Variants in WWOX observed in about 807,000 individuals in gnomAD.
WWOX encodes the protein WW domain-containing oxidoreductase.
Under a neutral mutation model 46.2 loss-of-function variants are expected in WWOX, and 69 were observed. The ratio of observed to expected loss-of-function variants is 1.49; its 90% CI spans 1.23 to 1.82. The LOEUF (loss-of-function observed/expected upper bound fraction) is 1.82, where lower values mean the gene tolerates loss of function less well. WWOX is among the 40% of genes most tolerant of loss of function. The pLI is 0.00. For missense variants in WWOX, 919 were observed against 542.6 expected (o/e 1.69, Z -6.89); for synonymous variants, 359 against 202.6 (o/e 1.77, Z -6.56).
At chr16:78,539,408 G>A (rs1331963590) in intron 8 of WWOX, among the ~76,000 whole-genome samples, 2 of 152,166 alleles carry the variant, frequency 1.3e-5, no homozygotes, top group Non-Finnish European at 2.9e-5. Context: ...AAAACATACA[G>A]CATTATTTTA....
In WWOX at chr16:79,061,091, G is replaced by A. The variant is rs371787764; in HGVS notation, c.1057-150517G>A. Reference sequence around the variant, plus strand: ...TCTCGAAGGGACGTGCCCCTTGAACGCAAGAGAGGTACATTGGGTGGCCAT... The same window carrying A: ...TCTCGAAGGGACGTGCCCCTTGAACACAAGAGAGGTACATTGGGTGGCCAT... On this transcript the variant is annotated intron_variant, in intron 8 of 8. Transcript: ENST00000566780. 1.4e-4 allele frequency among the ~76,000 whole-genome samples: 21 copies of A among 152,290 alleles called. No individual in the cohort carries two copies. The South Asian group carries it at 3.7e-3, about 27-fold the overall frequency.
At chr16:78,315,897 C>T (rs1452876512) in intron 5 of WWOX, among the ~76,000 whole-genome samples, 1 of 152,132 alleles carries the variant, frequency 6.6e-6, no homozygotes, top group Non-Finnish European at 1.5e-5. Context: ...TATTTAACTA[C>T]TCTCCTCGTG....
chr16:78,688,549 G>C (rs1289141782), intron 8 of WWOX, among the ~76,000 whole-genome samples: 1 of 152,038 alleles, frequency 6.6e-6, no homozygotes, highest in African/African-American at 2.4e-5. Context: ...CCTCCTCAGC[G>C]GAGACAACTG....
intron 5 of WWOX, among the ~76,000 whole-genome samples, chr16:78,370,976 A>ATGTCTTTTTTTTTTTTTTT (rs776317489): frequency 7.8e-6 from 1 of 128,588 alleles, no homozygotes. Context: ...CTGTGTTGTG[A>ATGTCTTTTTTTTTTTTTTT]TTTCTTTTTT....
At chr16:78,243,052 C>G (rs891737240) in intron 5 of WWOX, among the ~76,000 whole-genome samples, 1 of 151,872 alleles carries the variant, frequency 6.6e-6, no homozygotes, top group Non-Finnish European at 1.5e-5. Context: ...CTTCCCTTCC[C>G]TCTCCCCATC....
At chr16:78,162,990 C>T (rs1309662258) in intron 4 of WWOX, among the ~76,000 whole-genome samples, 4 of 152,116 alleles carry the variant, frequency 2.6e-5, no homozygotes, top group African/African-American at 4.8e-5. Flanking sequence ...TGGCAAAATT[C>T]TCCATCTTGC....
intron 8 of WWOX, among the ~76,000 whole-genome samples, chr16:79,187,167 A>G (rs1355274553): frequency 6.6e-6 from 1 of 152,162 alleles, no homozygotes; most frequent in Admixed American, 6.5e-5. Flanking sequence ...GAATTGAATG[A>G]CTTTGAGAAA....
At chr16:78,579,996 C>T (rs943609495) in intron 8 of WWOX, among the ~76,000 whole-genome samples, 2 of 152,032 alleles carry the variant, frequency 1.3e-5, no homozygotes, top group African/African-American at 4.8e-5. Context: ...GGCGCTTGCT[C>T]TTCTTTGTGC....
At chr16:78,678,640 A>T (rs1343886931) in intron 8 of WWOX, among the ~76,000 whole-genome samples, 3 of 152,150 alleles carry the variant, frequency 2.0e-5, no homozygotes, top group Non-Finnish European at 4.4e-5. Context: ...AGGAAAACAC[A>T]TGGAGTCTTG....
At chr16:78,956,601 ATCATATCATATCATG>A (rs1275835859) in intron 8 of WWOX, among the ~76,000 whole-genome samples, 1 of 148,378 alleles carries the variant, frequency 6.7e-6, no homozygotes, top group African/African-American at 2.5e-5. Flanking sequence ...CATATATTGT[ATCATATCATATCATG>A]TCATATCATA....
At chr16:78,877,284 C>G (rs187454717) in intron 8 of WWOX, among the ~76,000 whole-genome samples, 98 of 151,080 alleles carry the variant, frequency 6.5e-4, no homozygotes, top group East Asian at 4.2e-3. Context: ...TGCCTCCCCC[C>G]CTCTGACCCG....
rs566108595 is a variant in WWOX at position 79,056,828 on chromosome 16, G to C, written c.1057-154780G>C. Among the ~76,000 whole-genome samples the C allele has an allele frequency of 5.9e-5, 9 of 152,310 alleles. No homozygotes were observed. In the South Asian group the frequency reaches 1.9e-3, roughly 32 times the overall value. ...GATTTTCTTTAAAGGACAAATATCTGCTTCTTCCAAATTGTCATAGGAATA... is the reference window on the plus strand; with the variant it reads ...GATTTTCTTTAAAGGACAAATATCTCCTTCTTCCAAATTGTCATAGGAATA... On this transcript the variant is annotated intron_variant, in intron 8 of 8. Coordinates refer to ENST00000566780, the MANE Select transcript of WWOX (RefSeq NM_016373.4).
At chr16:79,158,802 G>A (rs1434505530) in intron 8 of WWOX, among the ~76,000 whole-genome samples, 1 of 152,166 alleles carries the variant, frequency 6.6e-6, no homozygotes, top group Admixed American at 6.5e-5. Flanking sequence ...TCTCACTCTC[G>A]TTTATTTTGT....
chr16:78,229,513 G>T (rs867769951), intron 5 of WWOX, among the ~76,000 whole-genome samples: 5,081 of 116,184 alleles, frequency 0.044, 339 homozygotes, highest in African/African-American at 0.16. Context: ...TATCTATATA[G>T]AGATATATAT....
At chr16:78,597,648 C>A (rs2045521716) in intron 8 of WWOX, among the ~76,000 whole-genome samples, 1 of 151,994 alleles carries the variant, frequency 6.6e-6, no homozygotes, top group African/African-American at 2.4e-5. Context: ...ATCTCTCTTG[C>A]TTTTATGCTT....
chr16:79,160,378 A>G (rs574479429), intron 8 of WWOX, among the ~76,000 whole-genome samples: 5 of 152,158 alleles, frequency 3.3e-5, no homozygotes, highest in African/African-American at 1.2e-4. Flanking sequence ...GGCTCCACCT[A>G]CTGTCACCTG....
At chr16:79,067,377 C>G (rs746693617) in intron 8 of WWOX, among the ~76,000 whole-genome samples, 82 of 152,204 alleles carry the variant, frequency 5.4e-4, no homozygotes, top group Admixed American at 6.5e-4. Flanking sequence ...CTCTCTTTCT[C>G]TCTCTCTGCT....
chr16:79,047,721 G>GTGAT lies in WWOX; in HGVS notation c.1057-163886_1057-163883dup, dbSNP rs541243447. ...TTTTTTGCTTGTCAGTTTGTTTTGG[G>GTGAT]TGATGCAGATGGAAGGTAACGTCAC... is the stretch of plus-strand genomic sequence containing the variant. On this transcript the variant is annotated intron_variant, in intron 8 of 8. Transcript: ENST00000566780. Among the ~76,000 whole-genome samples, 486 of 131,658 alleles carry GTGAT rather than the reference G, an allele frequency of 3.7e-3. 1 individual carries two copies. The highest frequency in any genetic ancestry group is 6.6e-3 in the Non-Finnish European group (426 of 64,368). The allele number at this position is 131,658 out of a possible 152,430, so 86.4% of individuals were successfully genotyped here. A position where few individuals can be genotyped will look rare whatever the true frequency, so the allele number is the denominator to read the frequency against.
At chr16:78,506,297 C>G (rs1462681072) in intron 8 of WWOX, among the ~76,000 whole-genome samples, 1 of 152,226 alleles carries the variant, frequency 6.6e-6, no homozygotes, top group Non-Finnish European at 1.5e-5. Context: ...CTCTATATCG[C>G]TTTTGCTTCG....
Sources: gnomAD v4.1 joint callset for allele counts (sites outside exome capture counted in the v4.1 genomes callset) on GRCh38, gnomAD v4.1.1 for gene constraint, MANE v1.5 for transcripts, NCBI Gene and HGNC (gene_info 2026-07-23, HGNC 2026-07-21) for gene names.